NALF1: variants seen among roughly 807,000 people sequenced by gnomAD.
NALF1 encodes the protein family with sequence similarity 155 member A.
A neutral mutation model predicts 48.4 loss-of-function variants in NALF1; 3 were observed. The ratio of observed to expected loss-of-function variants is 0.06; its 90% CI spans 0.03 to 0.16. The LOEUF (loss-of-function observed/expected upper bound fraction) is 0.16. Among genes scored for constraint, NALF1 ranks in the 10% least tolerant of loss-of-function variants. NALF1 has a pLI of 1.00. For synonymous variants in NALF1, 262 were observed against 245.7 expected, an observed-to-expected ratio of 1.07 and a Z score of -0.62; for missense variants, 526 against 571.5, an observed-to-expected ratio of 0.92 and a Z score of 0.81.
At chr13:107,842,810 A>G (rs1011381462) in intron 1 of NALF1, among the ~76,000 whole-genome samples, 1 of 152,114 alleles carries the variant, frequency 6.6e-6, no homozygotes, top group Non-Finnish European at 1.5e-5. Context: ...ACTCTTTGGA[A>G]AAACTTGAGA....
At chr13:107,766,349 G>A (rs1039240095) in intron 1 of NALF1, among the ~76,000 whole-genome samples, 3 of 152,096 alleles carry the variant, frequency 2.0e-5, no homozygotes, top group Non-Finnish European at 2.9e-5. Flanking sequence ...ATAAATAACC[G>A]ATAACAATGT....
intron 1 of NALF1, among the ~76,000 whole-genome samples, chr13:107,244,654 GCAAA>G (rs1354435826): frequency 6.6e-6 from 1 of 152,076 alleles, no homozygotes; most frequent in Middle Eastern, 3.2e-3. Context: ...TGTAGCTGAT[GCAAA>G]CAAATTCTTC....
At chr13:107,691,687 G>C (rs1881572068) in intron 1 of NALF1, among the ~76,000 whole-genome samples, 1 of 152,036 alleles carries the variant, frequency 6.6e-6, no homozygotes, top group Admixed American at 6.6e-5. Context: ...TGGTTTTTGT[G>C]ATATATTACA....
At chr13:107,824,963 C>T (rs1333950829) in intron 1 of NALF1, among the ~76,000 whole-genome samples, 3 of 152,162 alleles carry the variant, frequency 2.0e-5, no homozygotes, top group African/African-American at 7.2e-5. Flanking sequence ...AATACTAGGA[C>T]ATGATCCCAA....
At chr13:107,414,178 TTC>T (rs1186380707) in intron 1 of NALF1, among the ~76,000 whole-genome samples, 1 of 151,564 alleles carries the variant, frequency 6.6e-6, no homozygotes, top group Admixed American at 6.6e-5. Flanking sequence ...ATTAAAAAAC[TTC>T]TCTTATTGAA....
At chr13:107,376,198 C>T (rs540097544) in intron 1 of NALF1, among the ~76,000 whole-genome samples, 1 of 152,316 alleles carries the variant, frequency 6.6e-6, no homozygotes, top group East Asian at 1.9e-4. Context: ...AACCCCACAG[C>T]TCCAATCAAC....
intron 1 of NALF1, among the ~76,000 whole-genome samples, chr13:107,481,758 C>A (rs1224493423): frequency 1.3e-5 from 2 of 152,078 alleles, no homozygotes; most frequent in Admixed American, 1.3e-4. Context: ...ATAAGCAACA[C>A]TTCTTGGAAA....
At chr13:107,307,221 C>T (rs1371858132) in intron 1 of NALF1, among the ~76,000 whole-genome samples, 1 of 152,124 alleles carries the variant, frequency 6.6e-6, no homozygotes, top group African/African-American at 2.4e-5. Flanking sequence ...ATAACCTTTA[C>T]TGCCATTAGA....
chr13:107,766,016 C>CT (rs5806690), intron 1 of NALF1, among the ~76,000 whole-genome samples: 67,599 of 151,784 alleles, frequency 0.45, 16,059 homozygotes, highest in East Asian at 0.77. Context: ...CCTTTGTTCA[C>CT]GTAAAAATAA....
intron 1 of NALF1, among the ~76,000 whole-genome samples, chr13:107,309,151 C>T (rs949365252): frequency 3.8e-5 from 2 of 52,868 alleles, no homozygotes; most frequent in Non-Finnish European, 1.1e-4. Flanking sequence ...ATTTTTCTAA[C>T]TGTTGAAACC....
intron 1 of NALF1, among the ~76,000 whole-genome samples, chr13:107,385,699 C>A (rs961911186): frequency 1.3e-5 from 2 of 151,802 alleles, no homozygotes; most frequent in Non-Finnish European, 2.9e-5. Flanking sequence ...ATTTGAAGAA[C>A]AAGATTCTGT....
chr13:107,543,542 T>A (rs1016488561), intron 1 of NALF1, among the ~76,000 whole-genome samples: 1 of 152,044 alleles, frequency 6.6e-6, no homozygotes, highest in Non-Finnish European at 1.5e-5. Context: ...CTGAGTTGCA[T>A]CCCAATAAAC....
chr13:107,520,883 C>G lies in NALF1; in HGVS notation c.916-310128G>C, dbSNP rs145319397. Among the ~76,000 whole-genome samples the G allele has an allele frequency of 1.9e-3, 296 of 152,230 alleles. 2 individuals are homozygous for G. The highest frequency in any genetic ancestry group is 6.8e-3 in the African/African-American group (284 of 41,530). On this transcript the variant is annotated intron_variant, in intron 1 of 2. Coordinates refer to ENST00000375915, the MANE Select transcript of NALF1 (RefSeq NM_001080396.3). ...CCTGTGAGAGCTGAAAGAATATGAC[C>G]TCTGACCCTGAGAGTCCATGCAGCA... is the stretch of plus-strand genomic sequence containing the variant.
chr13:107,341,862 A>G (rs1163176227), intron 1 of NALF1, among the ~76,000 whole-genome samples: 1 of 147,674 alleles, frequency 6.8e-6, no homozygotes, highest in East Asian at 2.0e-4. Context: ...ACACAGATAA[A>G]CTATATTTGC....
At chr13:107,496,314 C>G (rs2139073804) in intron 1 of NALF1, among the ~76,000 whole-genome samples, 1 of 152,222 alleles carries the variant, frequency 6.6e-6, no homozygotes, top group Admixed American at 6.5e-5. Context: ...GCTGGTCTCC[C>G]AAAACAAGCC....
chr13:107,327,928 C>CTT (rs140017313), intron 1 of NALF1, among the ~76,000 whole-genome samples: 2 of 148,738 alleles, frequency 1.3e-5, no homozygotes, highest in Admixed American at 6.7e-5. Flanking sequence ...TTACTTTTTC[C>CTT]TTTTTTTTTT....
At chr13:107,531,326 G>A (rs1355646643) in intron 1 of NALF1, 1 of 161,354 alleles carries the variant, frequency 6.2e-6, no homozygotes. Flanking sequence ...CTTCTTCTGA[G>A]TGTATGGCAC....
chr13:107,690,001 AG>A (rs1197682595), intron 1 of NALF1, among the ~76,000 whole-genome samples: 1 of 152,258 alleles, frequency 6.6e-6, no homozygotes, highest in Non-Finnish European at 1.5e-5. Flanking sequence ...TATGCAAGAA[AG>A]TTTAAGAAAG....
intron 1 of NALF1, among the ~76,000 whole-genome samples, chr13:107,291,625 A>G (rs1881622929): frequency 6.6e-6 from 1 of 152,174 alleles, no homozygotes; most frequent in African/African-American, 2.4e-5. Context: ...GATACTTTGG[A>G]TAAGGGATAT....
Sources: allele counts gnomAD v4.1 joint callset (sites outside exome capture counted in the v4.1 genomes callset), GRCh38; gene constraint gnomAD v4.1.1; transcripts MANE v1.5; gene names NCBI Gene and HGNC (gene_info 2026-07-23, HGNC 2026-07-21).